The following NSD1 variants were observed in gnomAD, a reference collection of about 807,000 sequenced individuals.
NSD1 encodes nuclear receptor binding SET domain protein 1.
In NSD1, 26 loss-of-function variants were observed where a neutral mutation model predicts 242.7. The observed-to-expected ratio is 0.11, with a 90% CI of 0.08 to 0.15. The LOEUF (loss-of-function observed/expected upper bound fraction) is 0.15, where lower values mean the gene tolerates loss of function less well. NSD1 is among the 10% of genes least tolerant of loss of function. The pLI, the probability that NSD1 is intolerant of heterozygous loss-of-function variation, is 1.00. For synonymous variants in NSD1, 1,106 were observed against 1,178.1 expected, an observed-to-expected ratio of 0.94 and a Z score of 1.25; for missense variants, 2,495 against 3,272.8, an observed-to-expected ratio of 0.76 and a Z score of 5.80.
At chr5:177,172,758 A>G (rs1169967554) in intron 2 of NSD1, among the ~76,000 whole-genome samples, 1 of 152,072 alleles carries the variant, frequency 6.6e-6, no homozygotes, top group Non-Finnish European at 1.5e-5. Context: ...CAGGACTTGG[A>G]GACCAGCCTA....
chr5:177,212,239 G>T, intron 5 of NSD1, 44 bp downstream of exon 5: 1 of 1,582,582 alleles, frequency 6.3e-7, no homozygotes. Flanking sequence ...ATTGGAGAAA[G>T]TGCTGATAAA....
Position 177,211,124 on chromosome 5 carries a change from A to G in NSD1, c.2725A>G (p.Thr909Ala), listed in dbSNP as rs886060440. The change falls in exon 5 of 23, where the codon ACA becomes GCA. Residue 909 changes from threonine to alanine, a missense_variant. Thr to Ala is a moderately conservative substitution (Grantham distance 58). Around this residue, in one of 19 missense-constraint regions of NSD1, gnomAD observed 121 missense variants for 167.2 expected, o/e 0.72. Transcript: ENST00000439151. ...TATTGAACCAGACTACAAATTCAGT[A>G]CATTGCTAATGATGTTGAAAGATAT... ...IPIEPDYKFS[T>A]LLMMLKDMHD... 3 of 1,614,216 alleles carry G rather than the reference A, an allele frequency of 1.9e-6. No homozygotes were observed. Among genetic ancestry groups the G allele is most frequent in the Non-Finnish European group, 2.5e-6 (3 of 1,180,028 alleles).
At chr5:177,232,785 C>T (rs1765157386) in intron 5 of NSD1, among the ~76,000 whole-genome samples, 1 of 152,108 alleles carries the variant, frequency 6.6e-6, no homozygotes. Flanking sequence ...CTGAAGATAT[C>T]CCCATAGATT....
At chr5:177,181,538 G>T (rs1010772412) in intron 2 of NSD1, among the ~76,000 whole-genome samples, 3 of 143,392 alleles carry the variant, frequency 2.1e-5, no homozygotes, top group Admixed American at 7.4e-5. Flanking sequence ...TGATTCTCCT[G>T]CCTCAGCCTC....
chr5:177,240,001 A>C (rs1765729456), intron 8 of NSD1, 136 bp downstream of exon 8: 3 of 619,714 alleles, frequency 4.8e-6, no homozygotes, highest in Non-Finnish European at 8.7e-6. Flanking sequence ...GTCATACATG[A>C]TCTGAGATTT....
intron 3 of NSD1, among the ~76,000 whole-genome samples, chr5:177,194,577 C>T (rs1761951171): frequency 7.3e-6 from 1 of 136,982 alleles, no homozygotes; most frequent in Non-Finnish European, 1.5e-5. Flanking sequence ...GTCACCATGC[C>T]TCTTTTTTTT....
chr5:177,169,388 C>T, intron 2 of NSD1: 1 of 155,996 alleles, frequency 6.4e-6, no homozygotes, highest in Middle Eastern at 7.3e-4. Context: ...TGCTGAACGA[C>T]CGTAGAATGG....
chr5:177,286,894 A>T (rs1186520384), intron 20 of NSD1, among the ~76,000 whole-genome samples: 1 of 152,008 alleles, frequency 6.6e-6, no homozygotes, highest in African/African-American at 2.4e-5. Context: ...TCCTCTCCTC[A>T]CTTGACTTTC....
intron 4 of NSD1, among the ~76,000 whole-genome samples, chr5:177,205,863 G>T (rs1762830106): frequency 1.3e-5 from 2 of 151,918 alleles, no homozygotes; most frequent in South Asian, 4.2e-4. Context: ...TCTCTATGTT[G>T]TTCATGCTAG....
intron 2 of NSD1, among the ~76,000 whole-genome samples, chr5:177,159,000 A>ATATATATATATATATATGAAT (rs1758471001): frequency 5.5e-5 from 1 of 18,072 alleles, no homozygotes; most frequent in African/African-American, 2.2e-4. Context: ...GAATGATTTT[A>ATATATATATATATATATGAAT]TATATATATA....
At chr5:177,150,405 C>T (rs1757608013) in intron 2 of NSD1, among the ~76,000 whole-genome samples, 1 of 152,134 alleles carries the variant, frequency 6.6e-6, no homozygotes, top group Non-Finnish European at 1.5e-5. Flanking sequence ...GCTGGGATTA[C>T]AGTCGTGAGC....
chr5:177,132,704 C>T (rs951322927), upstream of NSD1, among the ~76,000 whole-genome samples: 6 of 152,060 alleles, frequency 3.9e-5, no homozygotes, highest in African/African-American at 1.4e-4. This position sits in a 1 kb window ranked among gnomAD's most constrained non-coding sequence, Gnocchi z 7.5. Context: ...TTCGTTCCCC[C>T]GCGGAGGCCA....
intron 2 of NSD1, among the ~76,000 whole-genome samples, chr5:177,158,936 G>GT (rs1267757448): frequency 3.0e-5 from 4 of 131,484 alleles, no homozygotes; most frequent in African/African-American, 1.3e-4. Context: ...GTGTGTGTGT[G>GT]TGTATATATA....
At chr5:177,253,638 CT>C (rs1375883260) in intron 12 of NSD1, among the ~76,000 whole-genome samples, 1 of 148,458 alleles carries the variant, frequency 6.7e-6, no homozygotes, top group Admixed American at 6.7e-5. Context: ...TCCCATTTTT[CT>C]TTTTTTTCCT....
chr5:177,164,519 C>G (rs1182654922), intron 2 of NSD1, among the ~76,000 whole-genome samples: 1 of 152,012 alleles, frequency 6.6e-6, no homozygotes, highest in Non-Finnish European at 1.5e-5. Context: ...GAGTTGTAAT[C>G]GTTTATTAAC....
chr5:177,229,474 C>T (rs775291736), intron 5 of NSD1, among the ~76,000 whole-genome samples: 2 of 152,166 alleles, frequency 1.3e-5, no homozygotes, highest in African/African-American at 2.4e-5. Context: ...TTTCCATTGA[C>T]TTGTGCAGTT....
At chr5:177,268,904 T>C (rs1757730455) in intron 15 of NSD1, among the ~76,000 whole-genome samples, 1 of 152,218 alleles carries the variant, frequency 6.6e-6, no homozygotes, top group Non-Finnish European at 1.5e-5. Flanking sequence ...CTGTTTGGAC[T>C]GTGAACATTT....
rs758221753 is a variant in NSD1 at position 177,212,458 on chromosome 5, ACTTTCTCTCTCTCT to A, written c.3796+282_3796+295del. On this transcript the variant is annotated intron_variant, in intron 5 of 22. Coordinates refer to ENST00000439151, the MANE Select transcript of NSD1 (RefSeq NM_022455.5). Reference sequence around the variant, plus strand: ...AATCTCTATAACATCTTTCTTTCTCACTTTCTCTCTCTCTCTTTCTCTCTCTCTCTTTTTTTTTT... The same window carrying A: ...AATCTCTATAACATCTTTCTTTCTCACTTTCTCTCTCTCTCTTTTTTTTTT... Among the ~76,000 whole-genome samples the A allele has an allele frequency of 0.016, 2,311 of 144,118 alleles. 32 individuals are homozygous for A. The highest frequency in any genetic ancestry group is 0.046 in the Middle Eastern group (13 of 284). 94.5% of individuals were successfully genotyped at this position (144,118 alleles called of 152,430 possible).
rs545563062 is a variant in NSD1 at position 177,219,276 on chromosome 5, C to T, written c.3796+7081C>T. Among the ~76,000 whole-genome samples, 12 of 152,010 alleles carry T rather than the reference C, an allele frequency of 7.9e-5. No individual in the cohort carries two copies. The East Asian group carries it at 2.1e-3, about 27-fold the overall frequency. On this transcript the variant is annotated intron_variant, in intron 5 of 22. Coordinates refer to ENST00000439151, the MANE Select transcript of NSD1 (RefSeq NM_022455.5). Reference sequence around the variant, plus strand: ...TCTCAGCTCACTGCAAGCTCCACCTCCCGGGTTCAAGCGATTGTCCTGCCT... The same window carrying T: ...TCTCAGCTCACTGCAAGCTCCACCTTCCGGGTTCAAGCGATTGTCCTGCCT...
Sources: gnomAD v4.1 joint callset for allele counts (sites outside exome capture counted in the v4.1 genomes callset) on GRCh38, gnomAD v4.1.1 for gene constraint, gnomAD v4.1.1 regional missense constraint, Gnocchi (gnomAD v3.1) non-coding constraint, MANE v1.5 for transcripts, NCBI Gene and HGNC (gene_info 2026-07-23, HGNC 2026-07-21) for gene names.